Variants in SYCE1 observed in about 807,000 individuals in gnomAD.
The protein encoded by SYCE1 is synaptonemal complex central element protein 1, also known as cancer/testis antigen 76.
SYCE1 carries 37 observed loss-of-function variants against 55.1 expected under a neutral mutation model. That is an observed-to-expected ratio of 0.67 (90% CI 0.52 to 0.88). SYCE1 has a LOEUF of 0.88. SYCE1 is among the 40% of genes least tolerant of loss of function. The probability of loss-of-function intolerance (pLI) is 0.00; values close to 1 mark genes in which losing one functional copy is unlikely to be tolerated. For synonymous variants in SYCE1, 163 were observed against 159.4 expected (o/e 1.02, Z -0.17); for missense variants, 399 against 416.4 (o/e 0.96, Z 0.36).
At chr10:133,557,766 C>A (rs542768515) in intron 6 of SYCE1, 98 bp downstream of exon 6, 13 of 1,381,882 alleles carry the variant, frequency 9.4e-6, no homozygotes, top group Non-Finnish European at 1.3e-5. Context: ...TAGAGGGAAA[C>A]AATGAGAGCT....
chr10:133,559,193 G>T, intron 3 of SYCE1, 108 bp downstream of exon 3: 1 of 1,244,032 alleles, frequency 8.0e-7, no homozygotes, highest in Non-Finnish European at 1.2e-6. Flanking sequence ...TGTTGCTGTT[G>T]TGAATAACCA....
intron 6 of SYCE1, chr10:133,557,529 G>A: frequency 2.0e-6 from 1 of 492,784 alleles, no homozygotes. Context: ...GATGAATGGA[G>A]AGAGAATGGA....
upstream of SYCE1, chr10:133,565,668 C>T: frequency 5.0e-6 from 4 of 806,856 alleles, no homozygotes; most frequent in South Asian, 1.9e-5. Context: ...TGAGGTAATT[C>T]TCCGGCAGGC....
chr10:133,559,800 GGAAGT>G, intron 2 of SYCE1: 1 of 459,920 alleles, frequency 2.2e-6, no homozygotes, highest in Non-Finnish European at 3.9e-6. Context: ...GGGAAGGAAG[GGAAGT>G]GAAGGCGGCA....
chr10:133,555,492 G>A (rs1851642720), intron 11 of SYCE1, 54 bp from the exon 12 acceptor site: 1 of 1,611,774 alleles, frequency 6.2e-7, no homozygotes, highest in South Asian at 1.1e-5. Flanking sequence ...GGTGGAGGAG[G>A]GACAAGAGGT....
Position 133,560,085 on chromosome 10 carries a change from C to A in SYCE1, c.136+6G>T, listed in dbSNP as rs1851785473. The A allele has an allele frequency of 3.7e-6, 6 of 1,613,792 alleles. No individual in the cohort carries two copies. In the East Asian group the frequency reaches 1.3e-4, roughly 36 times the overall value. ...GGCTGTGCCTCACACAAAGGAGACA[C>A]ACGACCTTTCTGCAGCTTTTGCACC... On this transcript the variant is annotated splice_donor_region_variant and intron_variant, in intron 2 of 12. Coordinates refer to ENST00000343131, the MANE Select transcript of SYCE1 (RefSeq NM_001143764.3).
At chr10:133,563,600 GA>G (rs1851862056) in intron 1 of SYCE1, among the ~76,000 whole-genome samples, 1 of 151,060 alleles carries the variant, frequency 6.6e-6, no homozygotes, top group South Asian at 2.1e-4. Context: ...TGAGGTGGGA[GA>G]ATCTCTTGAG....
At chr10:133,557,316 C>T (rs1186351598) in intron 6 of SYCE1, 160 bp from the exon 7 acceptor site, 3 of 656,288 alleles carry the variant, frequency 4.6e-6, no homozygotes, top group Non-Finnish European at 8.1e-6. Flanking sequence ...CCATTTGCCC[C>T]CTGGAAGTAT....
upstream of SYCE1, chr10:133,565,600 G>C (rs1417803520): frequency 2.7e-6 from 4 of 1,472,028 alleles, no homozygotes; most frequent in South Asian, 3.7e-5. Context: ...ACCGCCGCTG[G>C]GGGCAGGACT....
chr10:133,557,704 T>A, intron 6 of SYCE1, 160 bp downstream of exon 6: 1 of 719,074 alleles, frequency 1.4e-6, no homozygotes, highest in Non-Finnish European at 2.4e-6. Context: ...TTAACACTAC[T>A]GCCAGCTGTT....
chr10:133,556,324 T>TG, intron 8 of SYCE1: 2 of 562,888 alleles, frequency 3.6e-6, no homozygotes, highest in Non-Finnish European at 6.3e-6. Flanking sequence ...GAGTCTTGGC[T>TG]GTTTTCTGGA....
chr10:133,555,332 G>A lies in SYCE1; in HGVS notation c.918+19C>T, dbSNP rs753086439. The A allele has an allele frequency of 6.2e-6, 10 of 1,613,314 alleles. No homozygotes were observed. The highest frequency in any genetic ancestry group is 4.4e-5 in the South Asian group (4 of 91,050). ...TCAGTAGCTGTTTCTGTTCCCTGAC[G>A]CCCACTTCTGGGGCTTACCACATCT... On this transcript the variant is annotated intron_variant, in intron 12 of 12. Transcript: ENST00000343131.
intron 1 of SYCE1, among the ~76,000 whole-genome samples, chr10:133,562,669 C>T (rs1443031919): frequency 6.6e-6 from 1 of 152,122 alleles, no homozygotes; most frequent in Non-Finnish European, 1.5e-5. Context: ...ACAGAAGCTA[C>T]TCCTGCATTT....
chr10:133,557,780 G>A, intron 6 of SYCE1, 84 bp downstream of exon 6: 1 of 1,455,248 alleles, frequency 6.9e-7, no homozygotes, highest in South Asian at 1.2e-5. Flanking sequence ...GAGAGCTGTG[G>A]GTCTCAGATT....
At chr10:133,563,150 A>G (rs1267773789) in intron 1 of SYCE1, among the ~76,000 whole-genome samples, 2 of 152,254 alleles carry the variant, frequency 1.3e-5, no homozygotes, top group Admixed American at 1.3e-4. Flanking sequence ...CAGATATGCA[A>G]AATTAAGGTG....
chr10:133,564,650 A>T (rs547454487), intron 1 of SYCE1, among the ~76,000 whole-genome samples: 2 of 152,348 alleles, frequency 1.3e-5, no homozygotes, highest in South Asian at 4.1e-4. Flanking sequence ...TCACGCAGGT[A>T]GGGCTGGAGG....
downstream of SYCE1, chr10:133,554,543 T>C (rs144389444): frequency 2.2e-4 from 142 of 650,770 alleles, no homozygotes; most frequent in East Asian, 3.5e-3. Context: ...GAGTTATACA[T>C]TTTGTGTTCT....
intron 8 of SYCE1, chr10:133,556,448 C>T: frequency 1.9e-6 from 1 of 529,658 alleles, no homozygotes; most frequent in South Asian, 2.2e-5. Context: ...TTGTTCAGTG[C>T]CTAGGATCCT....
intron 1 of SYCE1, 60 bp downstream of exon 1, chr10:133,565,396 AC>A: frequency 6.9e-7 from 1 of 1,440,626 alleles, no homozygotes; most frequent in Non-Finnish European, 9.2e-7. Flanking sequence ...CCGCGCCCCA[AC>A]CCTGCCCCGC....
Sources: gnomAD v4.1 joint callset for allele counts (sites outside exome capture counted in the v4.1 genomes callset) on GRCh38, gnomAD v4.1.1 for gene constraint, MANE v1.5 for transcripts, NCBI Gene and HGNC (gene_info 2026-07-23, HGNC 2026-07-21) for gene names.